MYO16: variants seen among roughly 807,000 people sequenced by gnomAD.
The protein encoded by MYO16 is myosin XVI.
Under a neutral mutation model 205.3 loss-of-function variants are expected in MYO16, and 94 were observed. That is an observed-to-expected ratio of 0.46 (90% confidence interval 0.39 to 0.54). The LOEUF is 0.54. Ranked by LOEUF, MYO16 falls within the 20% of genes least tolerant of loss-of-function variation. The pLI, the probability that MYO16 is intolerant of heterozygous loss-of-function variation, is 0.00. For synonymous variants in MYO16, 988 were observed against 954.0 expected (o/e 1.04, Z -0.66); for missense variants, 2,315 against 2,387.5 (o/e 0.97, Z 0.63).
chr13:108,669,865 T>C (rs539471986), intron 2 of MYO16, among the ~76,000 whole-genome samples: 8 of 151,416 alleles, frequency 5.3e-5, no homozygotes, highest in Middle Eastern at 3.4e-3. Context: ...TAAGTGGGAG[T>C]TGAACAATGA....
At chr13:109,096,458 G>C (rs778330708) in intron 27 of MYO16, among the ~76,000 whole-genome samples, 9 of 152,104 alleles carry the variant, frequency 5.9e-5, no homozygotes, top group Non-Finnish European at 1.2e-4. Context: ...TTTGGCGGGG[G>C]GACACAGTTC....
chr13:108,846,437 C>T (rs1877523847), intron 10 of MYO16, among the ~76,000 whole-genome samples: 1 of 151,760 alleles, frequency 6.6e-6, no homozygotes, highest in African/African-American at 2.4e-5. Context: ...TACTGCTCAC[C>T]TTTAGCTTTT....
rs148892234 is a variant in MYO16, at chr13:109,106,141, C to G, written c.3438+5254C>G. 3.3e-5 allele frequency among the ~76,000 whole-genome samples: 5 copies of G among 152,278 alleles called. No homozygotes were observed. In the South Asian group the frequency reaches 1.0e-3, roughly 32 times the overall value. On this transcript the variant is annotated intron_variant, in intron 28 of 34. Transcript: ENST00000457511. ...ACTAACTTCTAGTGCTGTTTTCTGT[C>G]GCAGCAGATATAGTTTTCTTTATGA...
intron 4 of MYO16, among the ~76,000 whole-genome samples, chr13:108,746,808 A>T (rs1342323606): frequency 6.6e-6 from 1 of 151,948 alleles, no homozygotes; most frequent in Non-Finnish European, 1.5e-5. Context: ...CAAGATAAAC[A>T]TAAAAAACAA....
intron 2 of MYO16, among the ~76,000 whole-genome samples, chr13:108,688,350 G>C (rs1045288110): frequency 1.6e-4 from 25 of 152,136 alleles, no homozygotes; most frequent in African/African-American, 5.6e-4. Flanking sequence ...CTCATCGGTA[G>C]GAATAGTACC....
intron 4 of MYO16, among the ~76,000 whole-genome samples, chr13:108,778,958 G>A (rs761296448): frequency 2.6e-5 from 4 of 152,156 alleles, no homozygotes; most frequent in Non-Finnish European, 4.4e-5. Flanking sequence ...CACTGCACTC[G>A]TGGGGGGATG....
intron 2 of MYO16, among the ~76,000 whole-genome samples, chr13:108,696,939 C>CTTTG (rs1235230334): frequency 4.4e-4 from 66 of 148,682 alleles, no homozygotes; most frequent in African/African-American, 1.6e-3. Context: ...CCATGTAATA[C>CTTTG]TTTGCTCTAT....
At chr13:108,602,380 T>G (rs1405126088) in intron 1 of MYO16, among the ~76,000 whole-genome samples, 1 of 152,180 alleles carries the variant, frequency 6.6e-6, no homozygotes, top group Non-Finnish European at 1.5e-5. Flanking sequence ...CTTGCCTCTC[T>G]GATGCACTCT....
At chr13:108,967,720 G>T (rs576414349) in intron 20 of MYO16, among the ~76,000 whole-genome samples, 1 of 152,166 alleles carries the variant, frequency 6.6e-6, no homozygotes, top group East Asian at 1.9e-4. Context: ...ATATAATGCC[G>T]TATATTTGCT....
rs1419282581 is a variant in MYO16, at chr13:109,062,918, T to C, written c.3335+7323T>C. Among the ~76,000 whole-genome samples, 3 of 152,202 alleles carry C rather than the reference T, an allele frequency of 2.0e-5. No individual in the cohort carries two copies. The East Asian group carries it at 5.8e-4, about 29-fold the overall frequency. ...CTATGCAAAATATTTATTTTGTATT[T>C]ATATCACCTTGTCTTAACTGTCAGA... On this transcript the variant is annotated intron_variant, in intron 27 of 34. Transcript: ENST00000457511.
At chr13:109,022,680 A>C (rs1886112213) in intron 23 of MYO16, among the ~76,000 whole-genome samples, 1 of 54,350 alleles carries the variant, frequency 1.8e-5, no homozygotes, top group Non-Finnish European at 4.1e-5. Context: ...ATATATACAC[A>C]TATAAACATG....
At chr13:108,516,154 C>T in the MYO16 span, among the ~76,000 whole-genome samples, 1 of 152,002 alleles carries the variant, frequency 6.6e-6, no homozygotes, top group African/African-American at 2.4e-5. Flanking sequence ...ACCCTCTGAG[C>T]CAGGTGTGGG....
chr13:108,795,619 G>C (rs544829138), intron 6 of MYO16, among the ~76,000 whole-genome samples: 27 of 152,110 alleles, frequency 1.8e-4, no homozygotes, highest in Non-Finnish European at 3.7e-4. Context: ...CATAAGAAAA[G>C]AAAGCAAAGC....
intron 1 of MYO16, among the ~76,000 whole-genome samples, chr13:108,653,978 T>C (rs1881128768): frequency 6.6e-6 from 1 of 152,098 alleles, no homozygotes; most frequent in South Asian, 2.1e-4. Context: ...CAGAGTCTAT[T>C]ATCATTCCAA....
intron 1 of MYO16, among the ~76,000 whole-genome samples, chr13:108,608,738 G>A (rs1879058382): frequency 6.6e-6 from 1 of 151,952 alleles, no homozygotes; most frequent in South Asian, 2.1e-4. Flanking sequence ...CGCCTCCAGG[G>A]TTAAAGTGAT....
At chr13:108,869,730 C>CT (rs1566379584) in intron 12 of MYO16, among the ~76,000 whole-genome samples, 4 of 16,924 alleles carry the variant, frequency 2.4e-4, no homozygotes, top group African/African-American at 7.9e-4. Context: ...GACTCCGTTT[C>CT]TAAAAAAAAA....
At position 108,844,493 on chromosome 13, in the gene MYO16, G is replaced by GGTAA. The variant is rs1458230578; in HGVS notation, c.1248+1_1248+4dup. The GGTAA allele has an allele frequency of 1.2e-6, 2 of 1,601,946 alleles. No individual in the cohort carries two copies. The highest frequency in any genetic ancestry group is 2.7e-5 in the African/African-American group (2 of 74,726). ...TGAGCGGTTCCACCAAACCCGAGCA[G>GGTAA]GTAATCATGCTTTCACTGTGTGTCT... On this transcript the variant is annotated frameshift_variant and splice_region_variant. Coordinates refer to ENST00000457511, the MANE Select transcript of MYO16 (RefSeq NM_001198950.3). LOFTEE classifies it high-confidence loss of function.
intron 11 of MYO16, 35 bp downstream of exon 11, chr13:108,855,588 T>C: frequency 7.1e-7 from 1 of 1,400,008 alleles, no homozygotes; most frequent in Non-Finnish European, 9.9e-7. Context: ...TGCACTGTTT[T>C]TCTCTTGCTG....
chr13:108,529,498 G>A, the MYO16 span, among the ~76,000 whole-genome samples: 1 of 151,940 alleles, frequency 6.6e-6, no homozygotes, highest in Admixed American at 6.6e-5. Context: ...ACCCCACCAG[G>A]GCAAGCTTCA....
Sources: gnomAD v4.1 joint callset for allele counts (sites outside exome capture counted in the v4.1 genomes callset) on GRCh38, gnomAD v4.1.1 for gene constraint, MANE v1.5 for transcripts, NCBI Gene and HGNC (gene_info 2026-07-23, HGNC 2026-07-21) for gene names.